SGCD: variants seen among roughly 807,000 people sequenced by gnomAD.
SGCD encodes sarcoglycan delta.
SGCD carries 18 observed loss-of-function variants against 36.6 expected under a neutral mutation model. That is an observed-to-expected ratio of 0.49 (90% CI 0.34 to 0.73). The LOEUF (loss-of-function observed/expected upper bound fraction) is 0.73, where lower values mean the gene tolerates loss of function less well. SGCD is among the 30% of genes least tolerant of loss of function. The pLI is 0.01. For synonymous variants in SGCD, 133 were observed against 130.6 expected (o/e 1.02, Z -0.12); for missense variants, 387 against 346.7 (o/e 1.12, Z -0.92).
At chr5:156,286,678 T>C (rs569206204) in intron 3 of SGCD, among the ~76,000 whole-genome samples, 5 of 151,838 alleles carry the variant, frequency 3.3e-5, no homozygotes, top group Admixed American at 6.6e-5. Flanking sequence ...CTGTTGTGGG[T>C]TGGGGGAGTG....
chr5:156,464,073 T>A (rs1293466066), intron 3 of SGCD, among the ~76,000 whole-genome samples: 1 of 152,162 alleles, frequency 6.6e-6, no homozygotes, highest in East Asian at 1.9e-4. Context: ...ACTGTCTTGT[T>A]TAAAACTCAC....
At chr5:156,190,315 A>G (rs1763860553) in intron 3 of SGCD, among the ~76,000 whole-genome samples, 1 of 152,136 alleles carries the variant, frequency 6.6e-6, no homozygotes, top group Admixed American at 6.6e-5. Context: ...AAATAATTCA[A>G]AAACTAGTGA....
intron 3 of SGCD, among the ~76,000 whole-genome samples, chr5:156,474,075 C>T (rs1755081877): frequency 6.6e-6 from 1 of 151,588 alleles, no homozygotes; most frequent in Admixed American, 6.6e-5. Flanking sequence ...GGAGGGAGAG[C>T]ACTTTGTCTC....
chr5:156,095,193 G>A (rs1761345599), intron 1 of SGCD, among the ~76,000 whole-genome samples: 1 of 152,104 alleles, frequency 6.6e-6, no homozygotes, highest in African/African-American at 2.4e-5. Context: ...GTAAAATAAT[G>A]TTGTTTGCAA....
chr5:156,670,117 A>T (rs1332453353), intron 7 of SGCD, among the ~76,000 whole-genome samples: 1 of 152,190 alleles, frequency 6.6e-6, no homozygotes, highest in Non-Finnish European at 1.5e-5. Context: ...AAATTATATC[A>T]TCTAGATTAA....
chr5:156,537,459 CCACACACACA>C (rs769070218), intron 4 of SGCD, among the ~76,000 whole-genome samples: 1,429 of 125,858 alleles, frequency 0.011, 15 homozygotes, highest in African/African-American at 0.02. Context: ...AAGGTAGCAG[CCACACACACA>C]CACACACACA....
intron 4 of SGCD, among the ~76,000 whole-genome samples, chr5:156,513,813 T>C (rs900517221): frequency 6.6e-6 from 1 of 152,110 alleles, no homozygotes; most frequent in African/African-American, 2.4e-5. Flanking sequence ...CATCTGGGAG[T>C]TGAATGAAAG....
chr5:156,087,913 T>G (rs1054594309), intron 1 of SGCD, among the ~76,000 whole-genome samples: 1 of 152,162 alleles, frequency 6.6e-6, no homozygotes, highest in African/African-American at 2.4e-5. Flanking sequence ...TTGTCCAGTG[T>G]CCCTGAGCCC....
At position 156,465,621 on chromosome 5, in the gene SGCD, C is replaced by T. The variant is rs540605803; in HGVS notation, c.193-42980C>T. Among the ~76,000 whole-genome samples, 136 of 152,316 alleles carry T rather than the reference C, an allele frequency of 8.9e-4. 1 individual carries two copies. Among genetic ancestry groups the T allele is most frequent in the African/African-American group, 3.2e-3 (132 of 41,574 alleles). On this transcript the variant is annotated intron_variant, in intron 3 of 8. Transcript: ENST00000337851. ...CCAAGAGCATCTCTCTTTCATCCCA[C>T]TTGGCTCTGTATCTCCAAGACTGTT...
chr5:155,997,476 G>A (rs1057457409), intron 1 of SGCD, among the ~76,000 whole-genome samples: 139 of 152,184 alleles, frequency 9.1e-4, no homozygotes, highest in African/African-American at 3.1e-3. Flanking sequence ...AGAGGAATTC[G>A]AATAATGATC....
the SGCD span, among the ~76,000 whole-genome samples, chr5:155,847,530 A>T: frequency 6.6e-6 from 1 of 152,190 alleles, no homozygotes; most frequent in Admixed American, 6.5e-5. Flanking sequence ...CTTGCCTGAG[A>T]CTACTTTGAT....
At chr5:156,536,710 A>G (rs1177911283) in intron 4 of SGCD, among the ~76,000 whole-genome samples, 1 of 152,140 alleles carries the variant, frequency 6.6e-6, no homozygotes, top group African/African-American at 2.4e-5. Context: ...TTCCACTGAA[A>G]GTTAGTAAAA....
chr5:155,738,304 T>G, the SGCD span, among the ~76,000 whole-genome samples: 2 of 152,204 alleles, frequency 1.3e-5, no homozygotes, highest in Non-Finnish European at 2.9e-5. Context: ...AAAGTAAATG[T>G]GCCCTCATCC....
chr5:155,991,677 C>T (rs1191255633), intron 1 of SGCD, among the ~76,000 whole-genome samples: 2 of 152,284 alleles, frequency 1.3e-5, no homozygotes, highest in East Asian at 3.9e-4. Context: ...TTCTTTTGAA[C>T]TCTCCATTTA....
intron 3 of SGCD, among the ~76,000 whole-genome samples, chr5:156,291,245 A>G (rs1766749472): frequency 6.6e-6 from 1 of 152,162 alleles, no homozygotes; most frequent in Non-Finnish European, 1.5e-5. Context: ...GCTAGAAGAG[A>G]GAACTTGAAT....
chr5:156,095,313 T>C (rs1300417909), intron 1 of SGCD, among the ~76,000 whole-genome samples: 2 of 152,200 alleles, frequency 1.3e-5, no homozygotes, highest in Non-Finnish European at 2.9e-5. Context: ...CATCTGTTAG[T>C]ACCTCAGTCT....
In SGCD at chr5:156,336,645, G is replaced by A. The variant is rs577440634; in HGVS notation, c.3+7066G>A. On this transcript the variant is annotated intron_variant, in intron 2 of 8. Transcript: ENST00000337851. Reference sequence around the variant, plus strand: ...TTGTTTGTGTAAAAAAAATATAAGTGTGCATATGCACTGAACATCTATATT... The same window carrying A: ...TTGTTTGTGTAAAAAAAATATAAGTATGCATATGCACTGAACATCTATATT... 1.0e-3 allele frequency among the ~76,000 whole-genome samples: 155 copies of A among 152,192 alleles called. 1 individual carries two copies. Among genetic ancestry groups the A allele is most frequent in the African/African-American group, 3.6e-3 (151 of 41,508 alleles).
chr5:155,797,502 A>G, the SGCD span, among the ~76,000 whole-genome samples: 1 of 152,226 alleles, frequency 6.6e-6, no homozygotes, highest in Non-Finnish European at 1.5e-5. Context: ...AAAAAGGCCA[A>G]TAGAATTGCT....
intron 6 of SGCD, among the ~76,000 whole-genome samples, chr5:156,624,538 G>A (rs1268600401): frequency 3.3e-5 from 5 of 152,038 alleles, no homozygotes; most frequent in Admixed American, 6.6e-5. Context: ...CCGAGATTGC[G>A]CCACTGCACT....
Sources: allele counts gnomAD v4.1 joint callset (sites outside exome capture counted in the v4.1 genomes callset), GRCh38; gene constraint gnomAD v4.1.1; transcripts MANE v1.5; gene names NCBI Gene and HGNC (gene_info 2026-07-23, HGNC 2026-07-21).